RPS6KA2: variants seen among roughly 807,000 people sequenced by gnomAD.
The protein encoded by RPS6KA2 is ribosomal protein S6 kinase alpha-2.
A neutral mutation model predicts 91.8 loss-of-function variants in RPS6KA2; 42 were observed. The ratio of observed to expected loss-of-function variants is 0.46; its 90% CI spans 0.36 to 0.59. The LOEUF (loss-of-function observed/expected upper bound fraction) is 0.59, where lower values mean the gene tolerates loss of function less well. Ranked by LOEUF, RPS6KA2 falls within the 20% of genes least tolerant of loss-of-function variation. RPS6KA2 has a pLI of 0.00. For missense variants in RPS6KA2, 798 were observed against 978.5 expected, an observed-to-expected ratio of 0.82 and a Z score of 2.46; for synonymous variants, 414 against 393.6, an observed-to-expected ratio of 1.05 and a Z score of -0.61.
At chr6:166,511,231 A>AGAGT (rs140782559) in intron 3 of RPS6KA2, among the ~76,000 whole-genome samples, 3,061 of 152,274 alleles carry the variant, frequency 0.02, 88 homozygotes, top group African/African-American at 0.065. Context: ...TATCTGGCAT[A>AGAGT]GAGTGACCTG....
chr6:166,681,937 G>A (rs1412632423), intron 2 of RPS6KA2, among the ~76,000 whole-genome samples: 16 of 151,966 alleles, frequency 1.1e-4, no homozygotes, highest in Admixed American at 7.9e-4. Context: ...ACCCACCACC[G>A]CACTGTTCTC....
intron 2 of RPS6KA2, among the ~76,000 whole-genome samples, chr6:166,700,369 G>C (rs1789473345): frequency 1.3e-5 from 2 of 152,046 alleles, no homozygotes; most frequent in African/African-American, 4.8e-5. Context: ...TAATTTTCCA[G>C]CTTTACTGTC....
At chr6:166,593,367 A>G (rs962484764) in intron 1 of RPS6KA2, among the ~76,000 whole-genome samples, 2 of 152,206 alleles carry the variant, frequency 1.3e-5, no homozygotes, top group African/African-American at 4.8e-5. Flanking sequence ...ACATTTGACA[A>G]AAGTAGTATT....
chr6:166,470,026 A>T (rs904564034), intron 10 of RPS6KA2, 121 bp from the exon 11 acceptor site: 4 of 875,978 alleles, frequency 4.6e-6, no homozygotes, highest in Non-Finnish European at 7.4e-6. Flanking sequence ...AGGAGCCCAG[A>T]GGCTGCTCAC....
intron 1 of RPS6KA2, among the ~76,000 whole-genome samples, chr6:166,569,657 C>T (rs779964354): frequency 1.8e-4 from 28 of 152,212 alleles, no homozygotes; most frequent in Middle Eastern, 3.2e-3. Context: ...GGCTGCTGCA[C>T]GGACCACAGA....
chr6:166,534,134 A>G (rs1783393440), intron 2 of RPS6KA2, among the ~76,000 whole-genome samples: 1 of 146,728 alleles, frequency 6.8e-6, no homozygotes, highest in Non-Finnish European at 1.5e-5. Context: ...AGGCAGGAGA[A>G]TGGTGTGAAC....
intron 2 of RPS6KA2, chr6:166,702,672 C>G (rs3817828): frequency 4.6e-6 from 7 of 1,513,162 alleles, no homozygotes; most frequent in Non-Finnish European, 6.4e-6. Flanking sequence ...TACCTGAAAG[C>G]GCCTCAATGG....
chr6:166,706,589 T>C (rs1337369495), intron 2 of RPS6KA2, among the ~76,000 whole-genome samples: 4 of 152,232 alleles, frequency 2.6e-5, no homozygotes, highest in Non-Finnish European at 4.4e-5. Flanking sequence ...GAGTATCATC[T>C]GTGCTCTTTC....
chr6:166,695,750 C>T (rs561711462), intron 2 of RPS6KA2, among the ~76,000 whole-genome samples: 27 of 130,656 alleles, frequency 2.1e-4, no homozygotes, highest in East Asian at 6.4e-4. Flanking sequence ...TGGATTCTCA[C>T]AGGAGCACTG....
chr6:166,673,642 G>A (rs190422949), intron 2 of RPS6KA2, among the ~76,000 whole-genome samples: 8 of 152,358 alleles, frequency 5.3e-5, no homozygotes, highest in South Asian at 4.1e-4. Flanking sequence ...TGTCCAAAGC[G>A]CAGCCTGCAG....
At chr6:166,691,491 C>T (rs1789205785) in intron 2 of RPS6KA2, among the ~76,000 whole-genome samples, 1 of 152,168 alleles carries the variant, frequency 6.6e-6, no homozygotes, top group Non-Finnish European at 1.5e-5. Flanking sequence ...GGCTCTCTCT[C>T]CTGCACACAA....
chr6:166,627,756 T>A (rs1405692361), upstream of RPS6KA2: 1 of 152,238 alleles, frequency 6.6e-6, no homozygotes, highest in African/African-American at 2.4e-5. Context: ...TCTTCCAGCT[T>A]GGGGCCGTCA....
chr6:166,644,688 A>G (rs755998584), intron 2 of RPS6KA2, among the ~76,000 whole-genome samples: 2 of 152,278 alleles, frequency 1.3e-5, no homozygotes, highest in Admixed American at 1.3e-4. Flanking sequence ...ATGTAGCATT[A>G]ACATAATGAG....
At position 166,412,778 on chromosome 6, in the gene RPS6KA2, G is replaced by A. The variant is rs781336018; in HGVS notation, c.2186C>T (p.Thr729Met). The change falls in exon 21 of 21, where the codon ACG becomes ATG. Residue 729 changes from threonine to methionine, a missense_variant. Coordinates refer to ENST00000265678, the MANE Select transcript of RPS6KA2 (RefSeq NM_021135.6). The surrounding 1 kb of genome is among the most constrained non-coding windows in gnomAD (Gnocchi z 4.3). ...TCCCACCCGCTACAGCCGCGTGGAC[G>A]TGAGTCTCTTCATGCCTCTGCGCTG... is the stretch of plus-strand genomic sequence containing the variant. ...LAQRRGMKRL[T>M]STRL 1.0e-5 allele frequency: 16 copies of A among 1,598,640 alleles called. No homozygotes were observed. The highest frequency in any genetic ancestry group is 1.2e-5 in the Non-Finnish European group (14 of 1,174,282).
At chr6:166,727,490 T>A (rs983334829) in intron 2 of RPS6KA2, among the ~76,000 whole-genome samples, 21 of 151,792 alleles carry the variant, frequency 1.4e-4, no homozygotes, top group Non-Finnish European at 2.8e-4. Context: ...CACCCTCAGG[T>A]ATCAGCACCC....
intron 2 of RPS6KA2, among the ~76,000 whole-genome samples, chr6:166,785,938 A>G (rs6937137): frequency 0.17 from 25,203 of 152,270 alleles, 2,236 homozygotes; most frequent in African/African-American, 0.2. Context: ...TAATAAAAAT[A>G]GCAGATAATA....
intron 2 of RPS6KA2, among the ~76,000 whole-genome samples, chr6:166,700,275 A>C (rs144360480): frequency 0.011 from 1,711 of 152,308 alleles, 35 homozygotes; most frequent in African/African-American, 0.039. Context: ...GCTGCTCTCC[A>C]GATATAAGGC....
chr6:166,817,631 G>A (rs1382687927), intron 2 of RPS6KA2, among the ~76,000 whole-genome samples: 1 of 152,052 alleles, frequency 6.6e-6, no homozygotes, highest in African/African-American at 2.4e-5. Flanking sequence ...CTTCACTCTG[G>A]TTCCCCAGTT....
At chr6:166,654,327 G>A (rs190521504) in intron 2 of RPS6KA2, among the ~76,000 whole-genome samples, 2 of 152,250 alleles carry the variant, frequency 1.3e-5, no homozygotes, top group Admixed American at 6.5e-5. Flanking sequence ...ATCTAGTAAT[G>A]AACGTGAAAC....
Sources: gnomAD v4.1 joint callset for allele counts (sites outside exome capture counted in the v4.1 genomes callset) on GRCh38, gnomAD v4.1.1 for gene constraint, Gnocchi (gnomAD v3.1) non-coding constraint, MANE v1.5 for transcripts, NCBI Gene and HGNC (gene_info 2026-07-23, HGNC 2026-07-21) for gene names.